WDR45B: variants seen among roughly 807,000 people sequenced by gnomAD.
WDR45B encodes WD repeat domain phosphoinositide-interacting protein 3.
A neutral mutation model predicts 44.6 loss-of-function variants in WDR45B; 20 were observed. The observed-to-expected ratio is 0.45, with a 90% CI of 0.32 to 0.65. The LOEUF is 0.65. WDR45B is among the 30% of genes least tolerant of loss of function. WDR45B has a pLI of 0.05. For missense variants in WDR45B, 323 were observed against 430.2 expected (o/e 0.75, Z 2.20); for synonymous variants, 169 against 164.9 (o/e 1.02, Z -0.19).
chr17:82,635,475 G>A (rs2045821266), intron 2 of WDR45B, among the ~76,000 whole-genome samples: 1 of 148,386 alleles, frequency 6.7e-6, no homozygotes, highest in Non-Finnish European at 1.5e-5. Flanking sequence ...GCCCAGGATG[G>A]AGTGCAGTGG....
At chr17:82,646,550 C>T (rs369993063) in intron 1 of WDR45B, among the ~76,000 whole-genome samples, 3 of 120,602 alleles carry the variant, frequency 2.5e-5, no homozygotes, top group Non-Finnish European at 3.6e-5. Context: ...AAAATAAGTA[C>T]AAAAATAAAG....
chr17:82,647,344 G>A (rs1280614985), intron 1 of WDR45B, among the ~76,000 whole-genome samples: 1 of 152,178 alleles, frequency 6.6e-6, no homozygotes, highest in South Asian at 2.1e-4. Context: ...AGCCTGTCTC[G>A]GAATAACGGA....
At chr17:82,616,105 CA>C in intron 9 of WDR45B, 80 bp from the exon 10 acceptor site, 1 of 1,313,314 alleles carries the variant, frequency 7.6e-7, no homozygotes, top group Non-Finnish European at 1.1e-6. Context: ...AGCTGAACTG[CA>C]AAGGGCCTCT....
At chr17:82,644,340 A>G in intron 1 of WDR45B, 2 of 411,626 alleles carry the variant, frequency 4.9e-6, no homozygotes, top group Non-Finnish European at 9.1e-6. Context: ...GGACACTTCT[A>G]GAGGAAAGCC....
At chr17:82,639,790 G>C (rs1419982646) in intron 2 of WDR45B, among the ~76,000 whole-genome samples, 1 of 148,786 alleles carries the variant, frequency 6.7e-6, no homozygotes, top group Non-Finnish European at 1.5e-5. Flanking sequence ...TGTGTGTGGG[G>C]TCGGGAGGGC....
chr17:82,623,383 T>A lies in WDR45B; in HGVS notation c.428-1584A>T, dbSNP rs528890897. ...GCCTGGGCAACAGAGCGAGACTCTATCTCCAAAAAAAAAAAAAAAACAAAC... is the reference window on the plus strand; with the variant it reads ...GCCTGGGCAACAGAGCGAGACTCTAACTCCAAAAAAAAAAAAAAAACAAAC... On this transcript the variant is annotated intron_variant, in intron 5 of 9. Transcript: ENST00000392325. Among the ~76,000 whole-genome samples, 96 of 95,900 alleles carry A rather than the reference T, an allele frequency of 1.0e-3. 1 individual carries two copies. The highest frequency in any genetic ancestry group is 1.5e-3 in the Non-Finnish European group (81 of 52,936). 62.9% of individuals were successfully genotyped at this position (95,900 alleles called of 152,430 possible).
At position 82,629,418 on chromosome 17, in the gene WDR45B, G is replaced by A. The variant is rs1045442209; in HGVS notation, c.244+1503C>T. 62 of 805,468 alleles carry A rather than the reference G, an allele frequency of 7.7e-5. No homozygotes were observed. In the East Asian group the frequency reaches 1.1e-3, roughly 15 times the overall value. 49.9% of individuals were successfully genotyped at this position (805,468 alleles called of 1,614,324 possible). ...GCCCTGCTCTCTCTGTGGAACCTCCGCTGTCCCTTCTGGGTGGGCTCCTCC... is the reference window on the plus strand; with the variant it reads ...GCCCTGCTCTCTCTGTGGAACCTCCACTGTCCCTTCTGGGTGGGCTCCTCC... On this transcript the variant is annotated intron_variant, in intron 3 of 9. Transcript: ENST00000392325.
chr17:82,622,514 G>A (rs570770758), intron 5 of WDR45B, among the ~76,000 whole-genome samples: 1 of 152,168 alleles, frequency 6.6e-6, no homozygotes, highest in Admixed American at 6.5e-5. Context: ...CTCACTGCAA[G>A]CTCCGCCTCC....
At chr17:82,632,492 G>A (rs942051478) in intron 2 of WDR45B, among the ~76,000 whole-genome samples, 5 of 152,046 alleles carry the variant, frequency 3.3e-5, no homozygotes, top group African/African-American at 7.2e-5. Context: ...CATGAATTAC[G>A]TAAGAGGAAA....
At chr17:82,632,353 G>A (rs1225662966) in intron 2 of WDR45B, among the ~76,000 whole-genome samples, 5 of 151,990 alleles carry the variant, frequency 3.3e-5, no homozygotes, top group Admixed American at 3.3e-4. Context: ...TTTTTGTAGA[G>A]GCGAGGTCAT....
At chr17:82,623,343 C>T (rs767034736) in intron 5 of WDR45B, among the ~76,000 whole-genome samples, 3 of 145,918 alleles carry the variant, frequency 2.1e-5, no homozygotes, top group African/African-American at 5.1e-5. Flanking sequence ...GCTGAGATCG[C>T]ACCACTGCAC....
chr17:82,620,946 G>A (rs745750083), intron 6 of WDR45B, among the ~76,000 whole-genome samples: 1 of 152,154 alleles, frequency 6.6e-6, no homozygotes, highest in Admixed American at 6.5e-5. Context: ...ATCAGGCTGT[G>A]AAGACAGGAG....
intron 8 of WDR45B, among the ~76,000 whole-genome samples, 195 bp from the exon 9 acceptor site, chr17:82,616,840 C>T (rs368508993): frequency 6.6e-6 from 1 of 151,292 alleles, no homozygotes; most frequent in Non-Finnish European, 1.5e-5. Flanking sequence ...TTTTTTGAGA[C>T]GGAGTCTCGC....
At chr17:82,640,777 C>T (rs759601165) in intron 2 of WDR45B, among the ~76,000 whole-genome samples, 2 of 152,148 alleles carry the variant, frequency 1.3e-5, no homozygotes, top group Non-Finnish European at 2.9e-5. Context: ...TATCTACTCA[C>T]ATAAGCTGGA....
intron 6 of WDR45B, among the ~76,000 whole-genome samples, chr17:82,620,703 C>A (rs539795550): frequency 7.3e-4 from 111 of 152,216 alleles, no homozygotes; most frequent in African/African-American, 2.6e-3. Context: ...TTGCAGTCTT[C>A]AATGAAAACT....
At chr17:82,643,927 A>G (rs761143578) in intron 2 of WDR45B, 22 bp downstream of exon 2, 3 of 1,612,002 alleles carry the variant, frequency 1.9e-6, no homozygotes, top group Non-Finnish European at 2.5e-6. Context: ...GAGAAACCAG[A>G]AAATGTCCCG....
Position 82,617,416 on chromosome 17 carries a change from C to G in WDR45B, c.705-19G>C. On this transcript the variant is annotated intron_variant, in intron 7 of 9. Coordinates refer to ENST00000392325, the MANE Select transcript of WDR45B (RefSeq NM_019613.4). The stretch of plus-strand genomic sequence containing the variant: ...GTTGATGCTGCAGAGAAAACCAGCA[C>G]AGCTCAGGCCTTGTGTGGATGTGGA... 6.2e-7 allele frequency: 1 copy of G among 1,612,802 alleles called. No homozygotes were observed. The highest frequency in any genetic ancestry group is 8.5e-7 in the Non-Finnish European group (1 of 1,179,072).
At chr17:82,618,916 G>A (rs2045575328) in intron 7 of WDR45B, 127 bp downstream of exon 7, 2 of 828,986 alleles carry the variant, frequency 2.4e-6, no homozygotes, top group Non-Finnish European at 4.2e-6. Context: ...AGCAGCCCAA[G>A]CTTCTCCCTC....
rs2045517989 is a variant in WDR45B at position 82,615,400 on chromosome 17, T to G, written c.*519A>C. The G allele has an allele frequency of 5.3e-6, 1 of 190,064 alleles. No homozygotes were observed. The highest frequency in any genetic ancestry group is 5.3e-5 in the Admixed American group (1 of 18,816). The allele number at this position is 190,064 out of a possible 1,614,324, so 11.8% of individuals were successfully genotyped here. A position where few individuals can be genotyped will look rare whatever the true frequency, so the allele number is the denominator to read the frequency against. On this transcript the variant is annotated 3_prime_UTR_variant, in exon 10 of 10. Coordinates refer to ENST00000392325, the MANE Select transcript of WDR45B (RefSeq NM_019613.4). ...TTCTCTCTACAGGGTCAGGTCATTTTTCTTCATGTTCGGGCGGGAAAAGGA... is the reference window on the plus strand; with the variant it reads ...TTCTCTCTACAGGGTCAGGTCATTTGTCTTCATGTTCGGGCGGGAAAAGGA...
Sources: allele counts gnomAD v4.1 joint callset (sites outside exome capture counted in the v4.1 genomes callset), GRCh38; gene constraint gnomAD v4.1.1; transcripts MANE v1.5; gene names NCBI Gene and HGNC (gene_info 2026-07-23, HGNC 2026-07-21).